Variants in NRP1 observed in about 807,000 individuals in gnomAD.
NRP1 encodes neuropilin 1, also known as neuropilin-1.
A neutral mutation model predicts 106.7 loss-of-function variants in NRP1; 35 were observed. The ratio of observed to expected loss-of-function variants is 0.33; its 90% CI spans 0.25 to 0.43. The LOEUF (loss-of-function observed/expected upper bound fraction) is 0.43. Ranked by LOEUF, NRP1 falls within the 20% of genes least tolerant of loss-of-function variation. NRP1 has a pLI of 1.00. For synonymous variants in NRP1, 437 were observed against 417.9 expected (o/e 1.05, Z -0.56); for missense variants, 1,024 against 1,170.4 (o/e 0.87, Z 1.83).
chr10:33,276,416 T>C (rs1163051899), intron 2 of NRP1, among the ~76,000 whole-genome samples: 5 of 152,216 alleles, frequency 3.3e-5, no homozygotes, highest in African/African-American at 4.8e-5. Context: ...TGATCCATTT[T>C]CTGAAAGGCT....
chr10:33,251,617 T>G (rs1841864867), intron 6 of NRP1, among the ~76,000 whole-genome samples: 1 of 152,362 alleles, frequency 6.6e-6, no homozygotes, highest in African/African-American at 2.4e-5. Flanking sequence ...GAGATTTTTT[T>G]TTCTTCTGGG....
chr10:33,284,100 A>G (rs1240136445), intron 2 of NRP1, among the ~76,000 whole-genome samples: 1 of 151,874 alleles, frequency 6.6e-6, no homozygotes, highest in South Asian at 2.1e-4. Context: ...GAAAGGTATA[A>G]AAAATTCCCC....
intron 2 of NRP1, among the ~76,000 whole-genome samples, chr10:33,275,965 A>G (rs999835162): frequency 6.6e-6 from 1 of 152,174 alleles, no homozygotes; most frequent in African/African-American, 2.4e-5. Context: ...CTTAAATAAC[A>G]GGAAAAATGC....
intron 2 of NRP1, among the ~76,000 whole-genome samples, chr10:33,305,323 G>A (rs191136952): frequency 2.0e-4 from 31 of 152,238 alleles, no homozygotes; most frequent in Admixed American, 9.2e-4. Context: ...ACCTTTTCAT[G>A]GTATATTAGG....
At chr10:33,315,275 A>T (rs1378929249) in intron 2 of NRP1, among the ~76,000 whole-genome samples, 1 of 152,240 alleles carries the variant, frequency 6.6e-6, no homozygotes, top group African/African-American at 2.4e-5. Context: ...TTTTAGGGGG[A>T]ATATGTAAGT....
chr10:33,315,077 A>C (rs1439238829), intron 2 of NRP1, among the ~76,000 whole-genome samples: 1 of 152,218 alleles, frequency 6.6e-6, no homozygotes, highest in African/African-American at 2.4e-5. Context: ...GGATGTCAGA[A>C]AACACTCAGC....
intron 2 of NRP1, among the ~76,000 whole-genome samples, chr10:33,328,638 C>T (rs1448451471): frequency 6.6e-6 from 1 of 152,042 alleles, no homozygotes; most frequent in Non-Finnish European, 1.5e-5. Context: ...GGATCTGGCG[C>T]CCACCAGCTC....
intron 6 of NRP1, among the ~76,000 whole-genome samples, chr10:33,250,267 G>C (rs1841756401): frequency 6.6e-6 from 1 of 152,042 alleles, no homozygotes; most frequent in African/African-American, 2.4e-5. Flanking sequence ...CACTTCCAAG[G>C]AGTTTCAGAA....
chr10:33,322,708 A>G (rs1364066811), intron 2 of NRP1, among the ~76,000 whole-genome samples: 1 of 152,192 alleles, frequency 6.6e-6, no homozygotes, highest in Non-Finnish European at 1.5e-5. Context: ...GAAAACCACC[A>G]ATTGGTTGAA....
rs372636305 is a variant in NRP1 at position 33,254,058 on chromosome 10, G to A, written c.951C>T (p.Pro317=). The change falls in exon 6 of 17, where the codon CCC becomes CCT. Residue 317 remains proline, a synonymous_variant. Transcript: ENST00000374867. The stretch of plus-strand genomic sequence containing the variant: ...TCCACTCTCGGTAGGAATCCTCTCC[G>A]GGAGTCCACCCATTCTCAGGGTAGT... ...RLNYPENGWT[P]GEDSYREWIQ... 2.9e-5 allele frequency: 47 copies of A among 1,612,250 alleles called. No individual in the cohort carries two copies. The East Asian group carries it at 4.5e-4, about 15-fold the overall frequency.
At chr10:33,208,196 G>C (rs541486222) in intron 9 of NRP1, among the ~76,000 whole-genome samples, 1 of 152,300 alleles carries the variant, frequency 6.6e-6, no homozygotes, top group Non-Finnish European at 1.5e-5. Flanking sequence ...AAAGTGCTGG[G>C]ATTACAGGCA....
intron 13 of NRP1, among the ~76,000 whole-genome samples, chr10:33,189,765 T>C (rs2132616989): frequency 6.6e-6 from 1 of 152,338 alleles, no homozygotes. Flanking sequence ...CAACCCAATG[T>C]CTGGCTTGCA....
Position 33,330,395 on chromosome 10 carries a change from GA to G in NRP1, c.248+312del, listed in dbSNP as rs559017298. ...AGTTTCTAGTTCTTCCCCTCTCCAG[GA>G]AAAAAAAAAAAAGAAAGAAAAAAGA... On this transcript the variant is annotated intron_variant, in intron 2 of 16. Transcript: ENST00000374867. 2.2e-3 allele frequency among the ~76,000 whole-genome samples: 276 copies of G among 127,278 alleles called. 1 individual carries two copies. The highest frequency in any genetic ancestry group is 3.0e-3 in the South Asian group (12 of 4,016). 83.5% of individuals were successfully genotyped at this position (127,278 alleles called of 152,430 possible).
At chr10:33,183,350 AGAAG>A (rs969285114) in intron 15 of NRP1, among the ~76,000 whole-genome samples, 2 of 151,494 alleles carry the variant, frequency 1.3e-5, no homozygotes, top group Non-Finnish European at 2.9e-5. Flanking sequence ...AAAAAAAAAA[AGAAG>A]AGAAGGGGGA....
chr10:33,188,367 A>G (rs1242517296), intron 13 of NRP1, among the ~76,000 whole-genome samples: 4 of 152,180 alleles, frequency 2.6e-5, no homozygotes, highest in African/African-American at 9.6e-5. Flanking sequence ...CAACTGCACC[A>G]TAATCACTTC....
chr10:33,182,796 A>G (rs1347328753), intron 15 of NRP1, 48 bp from the exon 16 acceptor site: 1 of 1,367,736 alleles, frequency 7.3e-7, no homozygotes, highest in Non-Finnish European at 1.0e-6. Context: ...TGCCATCAAA[A>G]TATAATGCAC....
chr10:33,283,510 T>C (rs536651232), intron 2 of NRP1, among the ~76,000 whole-genome samples: 30 of 152,360 alleles, frequency 2.0e-4, no homozygotes, highest in African/African-American at 7.0e-4. Context: ...TATCTCTGGA[T>C]GTACAATAAT....
At chr10:33,272,953 G>A (rs1328956758) in intron 2 of NRP1, among the ~76,000 whole-genome samples, 1 of 152,086 alleles carries the variant, frequency 6.6e-6, no homozygotes, top group African/African-American at 2.4e-5. Flanking sequence ...AGGTAGCAGA[G>A]AACTCAGCTA....
At chr10:33,316,067 G>A (rs2132833965) in intron 2 of NRP1, among the ~76,000 whole-genome samples, 1 of 152,270 alleles carries the variant, frequency 6.6e-6, no homozygotes, top group South Asian at 2.1e-4. Context: ...ACTTCCTTAG[G>A]GAAAGCCAAG....
Sources: gnomAD v4.1 joint callset for allele counts (sites outside exome capture counted in the v4.1 genomes callset) on GRCh38, gnomAD v4.1.1 for gene constraint, MANE v1.5 for transcripts, NCBI Gene and HGNC (gene_info 2026-07-23, HGNC 2026-07-21) for gene names.